The following C11orf65 variants were observed in gnomAD, a reference collection of about 807,000 sequenced individuals.
C11orf65 encodes protein MFI.
Under a neutral mutation model 35.3 loss-of-function variants are expected in C11orf65, and 38 were observed. The observed-to-expected ratio is 1.08, with a 90% CI of 0.83 to 1.41. The LOEUF (loss-of-function observed/expected upper bound fraction) is 1.41, where lower values mean the gene tolerates loss of function less well. Among genes scored for constraint, C11orf65 ranks in the 40% most tolerant of loss-of-function variants. The probability of loss-of-function intolerance (pLI) is 0.00; values close to 1 mark genes in which losing one functional copy is unlikely to be tolerated. For synonymous variants in C11orf65, 105 were observed against 114.4 expected (o/e 0.92, Z 0.53); for missense variants, 370 against 367.1 (o/e 1.01, Z -0.06).
At chr11:108,425,807 G>A (rs866861529) in intron 3 of C11orf65, among the ~76,000 whole-genome samples, 4 of 152,252 alleles carry the variant, frequency 2.6e-5, no homozygotes, top group South Asian at 4.1e-4. Context: ...CCACGATCAA[G>A]TCGGCTTCAT....
intron 6 of C11orf65, chr11:108,316,162 G>A: frequency 6.7e-7 from 1 of 1,491,958 alleles, no homozygotes; most frequent in Non-Finnish European, 9.3e-7. Context: ...GTAGTGCTGA[G>A]GTTATTTCAG....
chr11:108,451,282 T>A (rs1289717592), intron 2 of C11orf65, among the ~76,000 whole-genome samples: 2 of 151,990 alleles, frequency 1.3e-5, no homozygotes, highest in Non-Finnish European at 2.9e-5. Context: ...CAAAATCTCC[T>A]TAAGCTGATA....
At chr11:108,451,628 C>A (rs2093348632) in intron 2 of C11orf65, among the ~76,000 whole-genome samples, 1 of 151,936 alleles carries the variant, frequency 6.6e-6, no homozygotes, top group Non-Finnish European at 1.5e-5. Context: ...CTACCAATGA[C>A]TTTCTTCACA....
chr11:108,320,018 A>G lies in C11orf65; in HGVS notation c.641-10947T>C, dbSNP rs752069869. ...CAATGCTCTACAATCTCTAAGAGAC[A>G]GAGAATTCTCTACATTTTATGAAAG... is the stretch of plus-strand genomic sequence containing the variant. On this transcript the variant is annotated intron_variant, in intron 6 of 6. Transcript: ENST00000525729. The G allele has an allele frequency of 6.2e-6, 10 of 1,611,386 alleles. No individual in the cohort carries two copies. In the South Asian group the frequency reaches 7.7e-5, roughly 12 times the overall value.
chr11:108,328,130 A>G (rs1426200839), downstream of C11orf65, among the ~76,000 whole-genome samples: 4 of 152,234 alleles, frequency 2.6e-5, no homozygotes, highest in Non-Finnish European at 5.9e-5. Flanking sequence ...AGGCTTCAAT[A>G]TACTAGCCCC....
In C11orf65 at chr11:108,333,813, G is replaced by A. The variant is rs149047841; in HGVS notation, c.299+1407C>T. The A allele has an allele frequency of 1.2e-4, 150 of 1,205,870 alleles. No homozygotes were observed. The African/African-American group carries it at 1.8e-3, about 14-fold the overall frequency. The allele number at this position is 1,205,870 out of a possible 1,614,324, so 74.7% of individuals were successfully genotyped here. Reference sequence around the variant, plus strand: ...CAACAAGTTGGGGCCAGTGGTATCTGCTGACTATTCCTGCTTGACCTTCAA... The same window carrying A: ...CAACAAGTTGGGGCCAGTGGTATCTACTGACTATTCCTGCTTGACCTTCAA... On this transcript the variant is annotated intron_variant, in intron 3 of 3. Coordinates refer to the C11orf65 transcript ENST00000524755.
chr11:108,395,355 T>C (rs556019189), intron 6 of C11orf65, among the ~76,000 whole-genome samples: 310 of 151,514 alleles, frequency 2.0e-3, no homozygotes, highest in Middle Eastern at 6.8e-3. Flanking sequence ...GAGATGGAGT[T>C]GCTCTGTCTC....
intron 2 of C11orf65, among the ~76,000 whole-genome samples, chr11:108,357,415 G>A (rs227050): frequency 9.2e-5 from 14 of 151,806 alleles, no homozygotes; most frequent in South Asian, 4.2e-4. Context: ...CAAAGCAGCC[G>A]GGAAGCTCGA....
intron 1 of C11orf65, among the ~76,000 whole-genome samples, chr11:108,463,310 T>C (rs1177700653): frequency 6.6e-6 from 1 of 152,206 alleles, no homozygotes; most frequent in Non-Finnish European, 1.5e-5. Flanking sequence ...AATGTATTTA[T>C]ATATTTCTCA....
rs199709393 is a variant in C11orf65, at chr11:108,356,992, G to A, written c.227-21700C>T. Among the ~76,000 whole-genome samples the A allele has an allele frequency of 2.5e-4, 38 of 152,350 alleles. No homozygotes were observed. The East Asian group carries it at 5.8e-3, about 23-fold the overall frequency. On this transcript the variant is annotated intron_variant, in intron 2 of 3. Coordinates refer to the C11orf65 transcript ENST00000524755. ...CCGGTATACAGCTCCCAGCGTGAGC[G>A]ATGCAGAAGACAGGTGATTTCTGCA...
At chr11:108,321,523 C>G (rs2085222487) in intron 6 of C11orf65, 1 of 1,535,492 alleles carries the variant, frequency 6.5e-7, no homozygotes, top group Non-Finnish European at 8.9e-7. Flanking sequence ...TGGCTCATGC[C>G]TGTAATCCTA....
intron 5 of C11orf65, among the ~76,000 whole-genome samples, 186 bp downstream of exon 5, chr11:108,406,577 A>C (rs1346465915): frequency 1.3e-5 from 2 of 152,244 alleles, no homozygotes; most frequent in East Asian, 3.8e-4. Context: ...AAATGTAGTA[A>C]GAAAAAGATA....
rs775850434 is a variant in C11orf65 at position 108,325,418 on chromosome 11, C to T, written c.641-16347G>A. 1.7e-5 allele frequency: 28 copies of T among 1,613,632 alleles called. No homozygotes were observed. Among genetic ancestry groups the T allele is most frequent in the South Asian group, 1.6e-4 (15 of 91,072 alleles). On this transcript the variant is annotated intron_variant, in intron 6 of 6. Coordinates refer to the C11orf65 transcript ENST00000525729. ...TTCAGGAGCCTATCATGGCTCTACGCACAGTCATTTTGGAGATCCTGATGG... is the reference window on the plus strand; with the variant it reads ...TTCAGGAGCCTATCATGGCTCTACGTACAGTCATTTTGGAGATCCTGATGG...
chr11:108,319,426 A>C (rs1365814354), intron 6 of C11orf65, among the ~76,000 whole-genome samples: 3 of 152,062 alleles, frequency 2.0e-5, no homozygotes, highest in Non-Finnish European at 2.9e-5. Context: ...CTTTTCCCCC[A>C]GTTACCATGC....
intron 6 of C11orf65, among the ~76,000 whole-genome samples, chr11:108,404,185 T>C (rs992777907): frequency 6.6e-6 from 1 of 152,204 alleles, no homozygotes; most frequent in Non-Finnish European, 1.5e-5. Flanking sequence ...TACAACCAGG[T>C]ATGCTACTTG....
At chr11:108,444,865 G>A (rs2093225657) in intron 2 of C11orf65, among the ~76,000 whole-genome samples, 1 of 152,166 alleles carries the variant, frequency 6.6e-6, no homozygotes, top group African/African-American at 2.4e-5. Context: ...CAAAGAAAGG[G>A]GTGACAGATG....
intron 2 of C11orf65, among the ~76,000 whole-genome samples, chr11:108,369,811 GAAC>G (rs1010566968): frequency 6.6e-6 from 1 of 152,116 alleles, no homozygotes; most frequent in African/African-American, 2.4e-5. Flanking sequence ...ATTTTGATGG[GAAC>G]AAAATGGTAT....
At chr11:108,402,421 G>T (rs546003633) in intron 6 of C11orf65, among the ~76,000 whole-genome samples, 30 of 152,108 alleles carry the variant, frequency 2.0e-4, no homozygotes, top group South Asian at 4.1e-4. Context: ...TTAAGCATTT[G>T]GTAGTACTGT....
intron 2 of C11orf65, among the ~76,000 whole-genome samples, chr11:108,453,052 C>T (rs552007664): frequency 2.6e-4 from 38 of 148,006 alleles, no homozygotes; most frequent in African/African-American, 9.0e-4. Flanking sequence ...CTAATGTAAA[C>T]GATGAGTTAA....
Sources: allele counts gnomAD v4.1 joint callset (sites outside exome capture counted in the v4.1 genomes callset), GRCh38; gene constraint gnomAD v4.1.1; transcripts MANE v1.5; gene names NCBI Gene and HGNC (gene_info 2026-07-23, HGNC 2026-07-21).